DLGAP4: variants seen among roughly 807,000 people sequenced by gnomAD.
DLGAP4 encodes the protein DLG associated protein 4, also known as disks large-associated protein 4.
DLGAP4 carries 18 observed loss-of-function variants against 86.9 expected under a neutral mutation model. That is an observed-to-expected ratio of 0.21 (90% CI 0.14 to 0.31). The LOEUF is 0.31. Among genes scored for constraint, DLGAP4 ranks in the 10% least tolerant of loss-of-function variants. DLGAP4 has a pLI of 1.00. For missense variants in DLGAP4, 1,085 were observed against 1,362.6 expected, an observed-to-expected ratio of 0.80 and a Z score of 3.21; for synonymous variants, 548 against 574.3, an observed-to-expected ratio of 0.95 and a Z score of 0.65.
intron 2 of DLGAP4, among the ~76,000 whole-genome samples, chr20:36,422,009 G>C (rs1316951340): frequency 6.6e-6 from 1 of 152,138 alleles, no homozygotes; most frequent in African/African-American, 2.4e-5. Flanking sequence ...TCAGAGGAGA[G>C]AAGCCAGCAA....
rs2065006183 is a variant in DLGAP4, at chr20:36,306,733, G to A, written c.-304+221G>A. Among the ~76,000 whole-genome samples, 1 of 152,138 alleles carries A rather than the reference G, an allele frequency of 6.6e-6. No homozygotes were observed. The highest frequency in any genetic ancestry group is 1.5e-5 in the Non-Finnish European group (1 of 68,014). On this transcript the variant is annotated intron_variant, in intron 1 of 12. Coordinates refer to ENST00000339266, the MANE Select transcript of DLGAP4 (RefSeq NM_001365621.2). This position sits in a 1 kb window ranked among gnomAD's most constrained non-coding sequence, Gnocchi z 4.9. ...GCTGGGAAGCGCCTTCTCCGGTTGG[G>A]ATCGCCCCATCCATGTCTCCCCGGA...
chr20:36,508,968 A>T (rs2036539924), intron 10 of DLGAP4: 1 of 152,198 alleles, frequency 6.6e-6, no homozygotes, highest in Non-Finnish European at 1.5e-5. Context: ...TTGGACTTTA[A>T]ATCACTTACT....
chr20:36,396,699 AC>A (rs1794012538), intron 2 of DLGAP4, among the ~76,000 whole-genome samples: 1 of 110,236 alleles, frequency 9.1e-6, no homozygotes, highest in South Asian at 3.2e-4. Flanking sequence ...GATAGATGGA[AC>A]TTTTGATCTT....
intron 7 of DLGAP4, among the ~76,000 whole-genome samples, chr20:36,490,078 G>A (rs1031474400): frequency 6.6e-6 from 1 of 151,800 alleles, no homozygotes; most frequent in Non-Finnish European, 1.5e-5. Flanking sequence ...GGCTGGTCTC[G>A]AACTCCTGAC....
At chr20:36,330,753 T>C (rs1377848486) in intron 1 of DLGAP4, among the ~76,000 whole-genome samples, 4 of 152,062 alleles carry the variant, frequency 2.6e-5, no homozygotes, top group Admixed American at 6.5e-5. Context: ...TTTGTATTTT[T>C]AGCAGAGACG....
At chr20:36,421,365 G>A (rs2032820645) in intron 2 of DLGAP4, among the ~76,000 whole-genome samples, 1 of 151,864 alleles carries the variant, frequency 6.6e-6, no homozygotes, top group South Asian at 2.1e-4. Context: ...GGCTGAGGCA[G>A]GAGAATCGCT....
At chr20:36,330,319 A>C (rs1483851907) in intron 1 of DLGAP4, among the ~76,000 whole-genome samples, 1 of 152,076 alleles carries the variant, frequency 6.6e-6, no homozygotes, top group Non-Finnish European at 1.5e-5. Flanking sequence ...GGGCGGCAGG[A>C]CTGGAGAAGG....
intron 10 of DLGAP4, among the ~76,000 whole-genome samples, chr20:36,509,724 T>C (rs2036582349): frequency 6.6e-6 from 1 of 152,196 alleles, no homozygotes; most frequent in Non-Finnish European, 1.5e-5. Context: ...CACTGCAGCC[T>C]GGACAACAGA....
At position 36,350,664 on chromosome 20, in the gene DLGAP4, TCAGCC is replaced by T. The variant is rs1422144035; in HGVS notation, c.-303-16377_-303-16373del. On this transcript the variant is annotated intron_variant, in intron 1 of 12. Transcript: ENST00000339266. This position sits in a 1 kb window ranked among gnomAD's most constrained non-coding sequence, Gnocchi z 4.4. ...ATGACCTCCTTTGTTCCAAAAAGTA[TCAGCC>T]CAGGCCTCTGCACACAGTAGGTGAT... 1.3e-5 allele frequency among the ~76,000 whole-genome samples: 2 copies of T among 152,212 alleles called. No homozygotes were observed. Among genetic ancestry groups the T allele is most frequent in the Non-Finnish European group, 2.9e-5 (2 of 68,038 alleles).
At chr20:36,391,971 G>A (rs553978068) in intron 2 of DLGAP4, among the ~76,000 whole-genome samples, 1 of 152,388 alleles carries the variant, frequency 6.6e-6, no homozygotes, top group African/African-American at 2.4e-5. Flanking sequence ...TCCTTTTGGA[G>A]GAATTGCAGA....
chr20:36,432,293 G>C lies in DLGAP4; in HGVS notation c.576G>C (p.Glu192Asp). ...GCAAGGAGCGGGCCAAGGCTGGGGAGCCCAAACGGCGCAGCCGCTCCAACA... is the reference window on the plus strand; with the variant it reads ...GCAAGGAGCGGGCCAAGGCTGGGGACCCCAAACGGCGCAGCCGCTCCAACA... ...AKSKERAKAGEPKRRSRSNIS... is the reference protein window; with the variant it reads ...AKSKERAKAGDPKRRSRSNIS... The change falls in exon 3 of 13, where the codon GAG (glutamate) becomes GAC (aspartate). Residue 192 changes from glutamate (E) to aspartate (D), a missense_variant. By Grantham distance (45) the Glu-to-Asp change is conservative (BLOSUM62 2). Coordinates refer to ENST00000339266, the MANE Select transcript of DLGAP4 (RefSeq NM_001365621.2). This position sits in a 1 kb window ranked among gnomAD's most constrained non-coding sequence, Gnocchi z 6.5. 1 of 1,613,716 alleles carries C rather than the reference G, an allele frequency of 6.2e-7. No homozygotes were observed.
At position 36,353,181 on chromosome 20, in the gene DLGAP4, GC is replaced by G. The variant is rs1340065743; in HGVS notation, c.-303-13863del. 2.0e-5 allele frequency among the ~76,000 whole-genome samples: 3 copies of G among 152,216 alleles called. No homozygotes were observed. The East Asian group carries it at 5.8e-4, about 29-fold the overall frequency. On this transcript the variant is annotated intron_variant, in intron 1 of 12. Transcript: ENST00000339266. Reference sequence around the variant, plus strand: ...GCCAGGGGTACCCGACGAGCTCAGAGCAGAGGGTGGGGAGAAAGCTGGGCCT... The same window carrying G: ...GCCAGGGGTACCCGACGAGCTCAGAGAGAGGGTGGGGAGAAAGCTGGGCCT...
chr20:36,371,375 A>T (rs2030927191), intron 2 of DLGAP4, among the ~76,000 whole-genome samples: 1 of 152,236 alleles, frequency 6.6e-6, no homozygotes, highest in African/African-American at 2.4e-5. Context: ...GATATTATAC[A>T]GTCACCCAAA....
intron 7 of DLGAP4, chr20:36,462,696 A>C: frequency 6.8e-7 from 1 of 1,472,286 alleles, no homozygotes; most frequent in Non-Finnish European, 9.0e-7. Flanking sequence ...GGCTGGCGCT[A>C]GGGCAAGGGG....
chr20:36,493,734 A>T (rs1449499246), intron 7 of DLGAP4, among the ~76,000 whole-genome samples: 2 of 152,210 alleles, frequency 1.3e-5, no homozygotes, highest in African/African-American at 4.8e-5. Context: ...CGTGGAGCAG[A>T]TGCGGCTGCT....
chr20:36,383,626 G>C (rs947213413), intron 2 of DLGAP4, among the ~76,000 whole-genome samples: 1 of 151,966 alleles, frequency 6.6e-6, no homozygotes, highest in East Asian at 1.9e-4. Flanking sequence ...GGAACTTCAC[G>C]GGGTGAGAAA....
At chr20:36,471,025 C>T (rs943597727) in intron 7 of DLGAP4, among the ~76,000 whole-genome samples, 5 of 152,246 alleles carry the variant, frequency 3.3e-5, no homozygotes, top group South Asian at 2.1e-4. Context: ...AGAGTCTGTG[C>T]GCTTAAAATT....
At chr20:36,524,371 G>C (rs754701616) in intron 11 of DLGAP4, 30 bp downstream of exon 11, 1 of 1,592,296 alleles carries the variant, frequency 6.3e-7, no homozygotes, top group South Asian at 1.1e-5. Flanking sequence ...CTCCACAGCA[G>C]GGCTTCCAGC....
At chr20:36,333,876 C>T (rs1405782892) in intron 1 of DLGAP4, among the ~76,000 whole-genome samples, 8 of 152,214 alleles carry the variant, frequency 5.3e-5, no homozygotes, top group Non-Finnish European at 1.0e-4. Flanking sequence ...CATTATGGAG[C>T]TAAGGCAGAA....
Sources: gnomAD v4.1 joint callset for allele counts (sites outside exome capture counted in the v4.1 genomes callset) on GRCh38, gnomAD v4.1.1 for gene constraint, Gnocchi (gnomAD v3.1) non-coding constraint, MANE v1.5 for transcripts, NCBI Gene and HGNC (gene_info 2026-07-23, HGNC 2026-07-21) for gene names.